Variants in MSH3 observed in about 807,000 individuals in gnomAD.
MSH3 encodes the protein DNA mismatch repair protein Msh3.
MSH3 carries 106 observed loss-of-function variants against 123.3 expected under a neutral mutation model. The ratio of observed to expected loss-of-function variants is 0.86; its 90% CI spans 0.73 to 1.01. MSH3 has a LOEUF of 1.01. Ranked by LOEUF, MSH3 falls within the 50% of genes least tolerant of loss-of-function variation. The pLI, the probability that MSH3 is intolerant of heterozygous loss-of-function variation, is 0.00. For synonymous variants in MSH3, 515 were observed against 481.4 expected (o/e 1.07, Z -0.91); for missense variants, 1,459 against 1,347.6 (o/e 1.08, Z -1.29).
At chr5:80,806,070 A>C (rs958655055) in intron 19 of MSH3, among the ~76,000 whole-genome samples, 4 of 152,282 alleles carry the variant, frequency 2.6e-5, no homozygotes, top group African/African-American at 9.6e-5. Context: ...TTCAAATTTC[A>C]GTCATTAATC....
chr5:80,770,034 T>A (rs1401605054), intron 15 of MSH3, among the ~76,000 whole-genome samples: 1 of 152,158 alleles, frequency 6.6e-6, no homozygotes, highest in East Asian at 1.9e-4. Context: ...CACATAGAGC[T>A]CTATATAACA....
chr5:80,741,443 T>C lies in MSH3; in HGVS notation c.1569-21T>C, dbSNP rs1168430896. ...CTTTATGCACTTACATCTAGGCTAA[T>C]TATATTTGATTCTTTTACAGGAATT... is the stretch of plus-strand genomic sequence containing the variant. On this transcript the variant is annotated intron_variant, in intron 10 of 23. Transcript: ENST00000265081. The C allele has an allele frequency of 2.8e-6, 4 of 1,452,370 alleles. No individual in the cohort carries two copies. The African/African-American group carries it at 5.6e-5, about 20-fold the overall frequency. The allele number at this position is 1,452,370 out of a possible 1,614,324, so 90.0% of individuals were successfully genotyped here.
intron 8 of MSH3, among the ~76,000 whole-genome samples, chr5:80,692,629 T>C (rs939981273): frequency 2.1e-5 from 3 of 140,200 alleles, no homozygotes; most frequent in African/African-American, 7.9e-5. Flanking sequence ...TAAACATGTA[T>C]ATGTTTATAT....
intron 19 of MSH3, among the ~76,000 whole-genome samples, chr5:80,805,797 G>A (rs548478065): frequency 1.3e-5 from 2 of 151,886 alleles, no homozygotes; most frequent in Non-Finnish European, 2.9e-5. Context: ...TCACCATGTT[G>A]CCCTGGCTGG....
chr5:80,818,016 C>T (rs573391275), intron 20 of MSH3, among the ~76,000 whole-genome samples: 177 of 152,250 alleles, frequency 1.2e-3, no homozygotes, highest in Middle Eastern at 3.4e-3. Flanking sequence ...TCAAGACCAG[C>T]CTGGCCAACA....
intron 22 of MSH3, among the ~76,000 whole-genome samples, chr5:80,870,051 G>A (rs565859725): frequency 1.3e-5 from 2 of 151,050 alleles, no homozygotes; most frequent in East Asian, 1.9e-4. Flanking sequence ...GTGCATACCT[G>A]TAATCCCAGC....
intron 13 of MSH3, among the ~76,000 whole-genome samples, chr5:80,766,760 T>A (rs1447575129): frequency 6.6e-6 from 1 of 151,950 alleles, no homozygotes; most frequent in Non-Finnish European, 1.5e-5. Flanking sequence ...TTCATGTTCA[T>A]GTTAAAAAAA....
intron 8 of MSH3, among the ~76,000 whole-genome samples, chr5:80,696,158 G>T (rs555450755): frequency 6.6e-6 from 1 of 152,354 alleles, no homozygotes; most frequent in South Asian, 2.1e-4. Flanking sequence ...TGAGAAGGGA[G>T]TCTCAGTACT....
intron 20 of MSH3, among the ~76,000 whole-genome samples, chr5:80,822,621 A>G (rs1745220780): frequency 6.6e-6 from 1 of 152,232 alleles, no homozygotes; most frequent in Admixed American, 6.5e-5. Context: ...TGAAATCACT[A>G]TGAAGTGCTT....
chr5:80,742,677 T>A (rs1743638326), intron 11 of MSH3, among the ~76,000 whole-genome samples: 1 of 152,238 alleles, frequency 6.6e-6, no homozygotes, highest in African/African-American at 2.4e-5. Flanking sequence ...TGAATTCAGA[T>A]GTATTTTTGT....
intron 8 of MSH3, among the ~76,000 whole-genome samples, chr5:80,718,932 A>C (rs1751019117): frequency 6.6e-6 from 1 of 152,116 alleles, no homozygotes; most frequent in Non-Finnish European, 1.5e-5. Context: ...AGTAATCTTT[A>C]GTAGCTTTTT....
At chr5:80,849,749 C>T (rs1049330134) in intron 20 of MSH3, among the ~76,000 whole-genome samples, 12 of 152,168 alleles carry the variant, frequency 7.9e-5, no homozygotes, top group African/African-American at 2.2e-4. Context: ...CTTGGCCTCC[C>T]GGGGTGTGTT....
chr5:80,675,059 T>C lies in MSH3; in HGVS notation c.1104T>C (p.Leu368=). ...EIMTDTSTSY[L]LCISENKENV... ...TGACTGATACTTCTACCAGCTATCT[T>C]CTGTGCATCTCTGAAAATAAGGAAA... The change falls in exon 7 of 24, where the codon CTT becomes CTC. Residue 368 remains leucine, a synonymous_variant. Transcript: ENST00000265081. The C allele has an allele frequency of 6.2e-7, 1 of 1,613,726 alleles. No homozygotes were observed. The highest frequency in any genetic ancestry group is 8.5e-7 in the Non-Finnish European group (1 of 1,179,758).
chr5:80,670,510 G>T (rs1036504606), intron 4 of MSH3, among the ~76,000 whole-genome samples: 12 of 152,046 alleles, frequency 7.9e-5, no homozygotes, highest in Admixed American at 2.6e-4. Flanking sequence ...AAAAGTGAGG[G>T]GTCTCTATTG....
intron 17 of MSH3, among the ~76,000 whole-genome samples, chr5:80,783,967 T>C (rs901977779): frequency 1.3e-5 from 2 of 151,994 alleles, no homozygotes; most frequent in Non-Finnish European, 2.9e-5. Flanking sequence ...CCCAGCACTT[T>C]CGGAGACTGA....
intron 8 of MSH3, among the ~76,000 whole-genome samples, chr5:80,698,560 G>A (rs1234071359): frequency 2.0e-5 from 3 of 152,120 alleles, no homozygotes; most frequent in East Asian, 1.9e-4. Flanking sequence ...GTGAGAGAGC[G>A]TGCTTTTCTT....
Position 80,834,867 on chromosome 5 carries a change from G to T in MSH3, c.2814-19263G>T, listed in dbSNP as rs140181473. Among the ~76,000 whole-genome samples, 198 of 152,156 alleles carry T rather than the reference G, an allele frequency of 1.3e-3. 1 individual carries two copies. The highest frequency in any genetic ancestry group is 3.9e-3 in the Admixed American group (60 of 15,264). ...ATAATACCATGAGGCATGTAGGGGT[G>T]ACTCAAAAAACTCCAGGCCAGAAAC... On this transcript the variant is annotated intron_variant, in intron 20 of 23. Coordinates refer to ENST00000265081, the MANE Select transcript of MSH3 (RefSeq NM_002439.5).
chr5:80,663,747 GA>G (rs1749499290), intron 2 of MSH3, among the ~76,000 whole-genome samples: 1 of 151,816 alleles, frequency 6.6e-6, no homozygotes, highest in African/African-American at 2.4e-5. Flanking sequence ...AGCCTGTGAA[GA>G]GGTTTAAATA....
intron 20 of MSH3, among the ~76,000 whole-genome samples, chr5:80,845,477 A>G (rs1487099910): frequency 6.6e-6 from 1 of 152,146 alleles, no homozygotes; most frequent in Non-Finnish European, 1.5e-5. Context: ...CTTCTCCTAG[A>G]TAATATCCTG....
Sources: gnomAD v4.1 joint callset for allele counts (sites outside exome capture counted in the v4.1 genomes callset) on GRCh38, gnomAD v4.1.1 for gene constraint, MANE v1.5 for transcripts, NCBI Gene and HGNC (gene_info 2026-07-23, HGNC 2026-07-21) for gene names.